Variants in DZIP3 observed in about 807,000 individuals in gnomAD.
The protein encoded by DZIP3 is DAZ interacting zinc finger protein 3.
A neutral mutation model predicts 162.0 loss-of-function variants in DZIP3; 118 were observed. The ratio of observed to expected loss-of-function variants is 0.73; its 90% CI spans 0.63 to 0.85. DZIP3 has a LOEUF of 0.85. Ranked by LOEUF, DZIP3 falls within the 40% of genes least tolerant of loss-of-function variation. The pLI, the probability that DZIP3 is intolerant of heterozygous loss-of-function variation, is 0.00. For synonymous variants in DZIP3, 438 were observed against 458.6 expected (o/e 0.96, Z 0.57); for missense variants, 1,331 against 1,407.0 (o/e 0.95, Z 0.86).
intron 5 of DZIP3, among the ~76,000 whole-genome samples, chr3:108,618,594 A>G (rs963214547): frequency 3.3e-5 from 5 of 152,176 alleles, no homozygotes; most frequent in Non-Finnish European, 5.9e-5. Flanking sequence ...CTTAGATGTT[A>G]TGAGGAGTTT....
At chr3:108,663,740 A>G (rs1015501324) in intron 21 of DZIP3, among the ~76,000 whole-genome samples, 1 of 152,124 alleles carries the variant, frequency 6.6e-6, no homozygotes, top group Non-Finnish European at 1.5e-5. Flanking sequence ...CCGCTGACCC[A>G]TGCACTCTTA....
Position 108,690,773 on chromosome 3 carries a change from T to G in DZIP3, c.3517-14T>G. ...TACATCTGAGAGACTGACATAAATC[T>G]TTTTGCTCCTTAGTGCATTAGACCA... On this transcript the variant is annotated splice_polypyrimidine_tract_variant and intron_variant, in intron 31 of 32. Transcript: ENST00000361582. 3 of 1,611,870 alleles carry G rather than the reference T, an allele frequency of 1.9e-6. No homozygotes were observed. Among genetic ancestry groups the G allele is most frequent in the Non-Finnish European group, 2.5e-6 (3 of 1,178,380 alleles).
At chr3:108,653,838 A>G (rs1207642531) in intron 18 of DZIP3, among the ~76,000 whole-genome samples, 2 of 152,034 alleles carry the variant, frequency 1.3e-5, no homozygotes, top group Non-Finnish European at 2.9e-5. Flanking sequence ...CTGTTTTCCA[A>G]AGCAACTGAT....
At chr3:108,622,571 T>C (rs933527951) in intron 5 of DZIP3, among the ~76,000 whole-genome samples, 2 of 152,206 alleles carry the variant, frequency 1.3e-5, no homozygotes, top group Admixed American at 6.5e-5. Flanking sequence ...GTATTCATTA[T>C]AGGCTTCACT....
chr3:108,645,899 A>G (rs1421654805), intron 14 of DZIP3, among the ~76,000 whole-genome samples: 3 of 152,206 alleles, frequency 2.0e-5, no homozygotes, highest in Non-Finnish European at 4.4e-5. Context: ...TTACTCTATT[A>G]GGATTTTAAA....
intron 5 of DZIP3, among the ~76,000 whole-genome samples, chr3:108,621,285 T>A (rs1308104445): frequency 6.6e-6 from 1 of 152,190 alleles, no homozygotes; most frequent in Non-Finnish European, 1.5e-5. Context: ...TTTTTACCAG[T>A]TTTTAAAAAA....
rs1944809392 is a variant in DZIP3 at position 108,694,758 on chromosome 3, T to G, written c.*1405T>G. 1 of 152,200 alleles carries G rather than the reference T, an allele frequency of 6.6e-6. No homozygotes were observed. Among genetic ancestry groups the G allele is most frequent in the South Asian group, 2.1e-4 (1 of 4,834 alleles). 9.4% of individuals were successfully genotyped at this position (152,200 alleles called of 1,614,324 possible). On this transcript the variant is annotated 3_prime_UTR_variant, in exon 33 of 33. Transcript: ENST00000361582. ...GGTCATGGTCATATAGCTAGTTATC[T>G]TGTAAAACCAATGTTTCTTAGTTCA...
intron 15 of DZIP3, 27 bp from the exon 16 acceptor site, chr3:108,647,914 ATT>A: frequency 6.9e-7 from 1 of 1,456,508 alleles, no homozygotes; most frequent in Non-Finnish European, 9.0e-7. Context: ...TTTCATCTAG[ATT>A]TTGAGAATTT....
At chr3:108,672,710 A>G in intron 23 of DZIP3, 54 bp downstream of exon 23, 3 of 1,279,964 alleles carry the variant, frequency 2.3e-6, no homozygotes, top group Non-Finnish European at 3.3e-6. Context: ...TTTTACTTGT[A>G]TACCATCATA....
chr3:108,652,451 T>G (rs1461830925), intron 18 of DZIP3, among the ~76,000 whole-genome samples: 1 of 151,934 alleles, frequency 6.6e-6, no homozygotes, highest in Non-Finnish European at 1.5e-5. Flanking sequence ...AGTCTTGTAC[T>G]GCCTAACAAC....
intron 21 of DZIP3, among the ~76,000 whole-genome samples, chr3:108,668,293 T>C (rs960516237): frequency 6.6e-6 from 1 of 152,132 alleles, no homozygotes; most frequent in Non-Finnish European, 1.5e-5. Context: ...TAGAGTTAAC[T>C]TGAGAACTTT....
At chr3:108,649,516 A>G (rs1942773321) in intron 17 of DZIP3, among the ~76,000 whole-genome samples, 4 of 151,874 alleles carry the variant, frequency 2.6e-5, no homozygotes, top group South Asian at 4.1e-4. Context: ...TAGGAAAACT[A>G]TAAGGGAAAG....
intron 32 of DZIP3, chr3:108,691,531 G>A (rs1472758827): frequency 6.6e-6 from 1 of 152,122 alleles, no homozygotes; most frequent in Non-Finnish European, 1.5e-5. Flanking sequence ...CTGTGTCCCT[G>A]TGTCTCCAGA....
At chr3:108,661,573 C>T (rs1943436183) in intron 19 of DZIP3, among the ~76,000 whole-genome samples, 1 of 151,982 alleles carries the variant, frequency 6.6e-6, no homozygotes, top group African/African-American at 2.4e-5. Flanking sequence ...CAACATGGCA[C>T]ATGTATACAT....
intron 19 of DZIP3, among the ~76,000 whole-genome samples, chr3:108,659,119 G>A (rs1307835920): frequency 6.6e-6 from 1 of 152,076 alleles, no homozygotes; most frequent in Non-Finnish European, 1.5e-5. Flanking sequence ...AGAAAAAGAG[G>A]GAATCCTCCC....
intron 26 of DZIP3, among the ~76,000 whole-genome samples, chr3:108,681,378 A>G (rs1944302439): frequency 6.6e-6 from 1 of 152,204 alleles, no homozygotes. Context: ...AACCACAATG[A>G]GATACCATCT....
rs749502702 is a variant in DZIP3 at position 108,669,768 on chromosome 3, C to G, written c.2492+19C>G. 6.3e-7 allele frequency: 1 copy of G among 1,576,208 alleles called. No individual in the cohort carries two copies. The highest frequency in any genetic ancestry group is 1.1e-5 in the South Asian group (1 of 89,840). On this transcript the variant is annotated intron_variant, in intron 22 of 32. Coordinates refer to ENST00000361582, the MANE Select transcript of DZIP3 (RefSeq NM_014648.4). ...TGAAAAGGTACAAACTTAGCTTTTT[C>G]TTTGGGTGCACTCTCTCTGAAACTG...
chr3:108,623,950 G>A (rs567462055), intron 5 of DZIP3, among the ~76,000 whole-genome samples: 5 of 152,310 alleles, frequency 3.3e-5, no homozygotes, highest in African/African-American at 4.8e-5. Context: ...TCCCCCAAGC[G>A]CAGATTCTCT....
In DZIP3 at chr3:108,625,892, C is replaced by A. The variant is rs140722866; in HGVS notation, c.504C>A (p.Ile168=). The change falls in exon 7 of 33, where the codon ATC becomes ATA. Residue 168 remains isoleucine (I), a synonymous_variant. Transcript: ENST00000361582. ...AATTTCTGGTGATGAAGATGATGAT[C>A]CAAGAAAATGAAATTTGTGAAAACT... ...ENKFLVMKMM[I]QENEICENFM... is the part of the protein sequence containing the mutation. 8 of 1,612,900 alleles carry A rather than the reference C, an allele frequency of 5.0e-6. No homozygotes were observed. The East Asian group carries it at 1.6e-4, about 32-fold the overall frequency.
Sources: allele counts gnomAD v4.1 joint callset (sites outside exome capture counted in the v4.1 genomes callset), GRCh38; gene constraint gnomAD v4.1.1; transcripts MANE v1.5; gene names NCBI Gene and HGNC (gene_info 2026-07-23, HGNC 2026-07-21).